The following OSBPL1A variants were observed in gnomAD, a reference collection of about 807,000 sequenced individuals.
The protein encoded by OSBPL1A is oxysterol binding protein like 1A, also known as oxysterol-binding protein-related protein 1.
In OSBPL1A, 80 loss-of-function variants were observed where a neutral mutation model predicts 137.1. The ratio of observed to expected loss-of-function variants is 0.58; its 90% CI spans 0.49 to 0.70. The LOEUF is 0.70. OSBPL1A is among the 30% of genes least tolerant of loss of function. The pLI is 0.00. For missense variants in OSBPL1A, 970 were observed against 1,129.4 expected, an observed-to-expected ratio of 0.86 and a Z score of 2.02; for synonymous variants, 365 against 389.7, an observed-to-expected ratio of 0.94 and a Z score of 0.75.
chr18:24,174,631 T>C (rs955296554), intron 21 of OSBPL1A, among the ~76,000 whole-genome samples: 5 of 152,232 alleles, frequency 3.3e-5, no homozygotes, highest in Non-Finnish European at 5.9e-5. Flanking sequence ...GCACTTGGTA[T>C]TGTCAATGTT....
At chr18:24,263,114 G>A (rs2089481313) in intron 15 of OSBPL1A, among the ~76,000 whole-genome samples, 1 of 152,058 alleles carries the variant, frequency 6.6e-6, no homozygotes. Flanking sequence ...TGCTTTTTTA[G>A]AATTTTGATA....
In OSBPL1A at chr18:24,332,094, G is replaced by A. The variant is rs569357444; in HGVS notation, c.625+848C>T. ...TTTGCTGTTTAAAATGGCCCCAAGC[G>A]GCCAGGCATGGTGGCTTACATCTGT... On this transcript the variant is annotated intron_variant, in intron 7 of 27. Coordinates refer to ENST00000319481, the MANE Select transcript of OSBPL1A (RefSeq NM_080597.4). Among the ~76,000 whole-genome samples, 8 of 152,000 alleles carry A rather than the reference G, an allele frequency of 5.3e-5. 1 individual carries two copies. The highest frequency in any genetic ancestry group is 1.0e-4 in the Non-Finnish European group (7 of 67,990).
chr18:24,323,414 C>CA (rs1315910299), intron 7 of OSBPL1A, among the ~76,000 whole-genome samples: 50 of 30,478 alleles, frequency 1.6e-3, no homozygotes, highest in African/African-American at 2.9e-3. Context: ...TTAGCAGAGA[C>CA]GGGGTTTCAC....
intron 1 of OSBPL1A, among the ~76,000 whole-genome samples, chr18:24,379,495 G>A (rs1282045270): frequency 6.6e-6 from 1 of 151,154 alleles, no homozygotes; most frequent in Non-Finnish European, 1.5e-5. Flanking sequence ...ACTCCAGCCT[G>A]GGTGACAGAG....
At chr18:24,282,378 T>C (rs1481382711) in intron 14 of OSBPL1A, among the ~76,000 whole-genome samples, 1 of 152,180 alleles carries the variant, frequency 6.6e-6, no homozygotes, top group Non-Finnish European at 1.5e-5. Flanking sequence ...TTAACTCTAC[T>C]TCCTATTTGG....
chr18:24,311,997 T>C lies in OSBPL1A; in HGVS notation c.1079A>G (p.Lys360Arg). Residue 360 changes from lysine (K) to arginine (R), a missense_variant, in exon 13 of 28, where the codon AAG (lysine) becomes AGG (arginine). Physicochemically the swap from Lys to Arg is conservative, Grantham distance 26. Transcript: ENST00000319481. Reference sequence around the variant, plus strand: ...TTTCCTATTTACCTCTAATGATTTCTTCAGGTCTGCAGCAGAAACCGTATC... The same window carrying C: ...TTTCCTATTTACCTCTAATGATTTCCTCAGGTCTGCAGCAGAAACCGTATC... ...EEDTVSAADL[K>R]KSLEKAQSCQ... The C allele has an allele frequency of 6.2e-7, 1 of 1,614,086 alleles. No individual in the cohort carries two copies. The highest frequency in any genetic ancestry group is 8.5e-7 in the Non-Finnish European group (1 of 1,179,952).
At position 24,332,608 on chromosome 18, in the gene OSBPL1A, C is replaced by T. The variant is rs149401961; in HGVS notation, c.625+334G>A. Reference sequence around the variant, plus strand: ...AAAAAAGGTTTCATAATGATCAATTCATGAAAATGTTGTGACCCAAGGCTT... The same window carrying T: ...AAAAAAGGTTTCATAATGATCAATTTATGAAAATGTTGTGACCCAAGGCTT... On this transcript the variant is annotated intron_variant, in intron 7 of 27. Coordinates refer to ENST00000319481, the MANE Select transcript of OSBPL1A (RefSeq NM_080597.4). 4.3e-3 allele frequency among the ~76,000 whole-genome samples: 650 copies of T among 149,702 alleles called. 5 individuals are homozygous for T. Among genetic ancestry groups the T allele is most frequent in the Middle Eastern group, 0.017 (5 of 286 alleles).
rs200475106 is a variant in OSBPL1A at position 24,339,329 on chromosome 18, T to C, written c.394+2218A>G. Among the ~76,000 whole-genome samples, 15 of 152,344 alleles carry C rather than the reference T, an allele frequency of 9.8e-5. No homozygotes were observed. In the East Asian group the frequency reaches 2.5e-3, roughly 25 times the overall value. On this transcript the variant is annotated intron_variant, in intron 5 of 27. Coordinates refer to ENST00000319481, the MANE Select transcript of OSBPL1A (RefSeq NM_080597.4). ...TTATGGTCTACTTATAGTGGGTTAC[T>C]CAAGGTACTTCCAGTAATTTGCCAA... is the stretch of plus-strand genomic sequence containing the variant.
intron 1 of OSBPL1A, among the ~76,000 whole-genome samples, chr18:24,382,174 G>A (rs1454692252): frequency 2.0e-5 from 3 of 148,200 alleles, no homozygotes; most frequent in Non-Finnish European, 4.5e-5. Context: ...GCCAAGGCAA[G>A]TGGATCACGA....
rs754545323 is a variant in OSBPL1A at position 24,179,864 on chromosome 18, A to G, written c.1813-29T>C. ...TGGGACAGAGCATGAGAACAAGTCA[A>G]AAATAGCCGAGCTCGCTCCGCATTC... On this transcript the variant is annotated intron_variant, in intron 19 of 27. Coordinates refer to ENST00000319481, the MANE Select transcript of OSBPL1A (RefSeq NM_080597.4). The G allele has an allele frequency of 8.2e-5, 129 of 1,573,540 alleles. 1 individual carries two copies. The highest frequency in any genetic ancestry group is 1.7e-4 in the Middle Eastern group (1 of 6,006).
intron 7 of OSBPL1A, among the ~76,000 whole-genome samples, chr18:24,324,455 T>TAAAAAAAAAAAAA (rs145135815): frequency 7.7e-5 from 1 of 12,976 alleles, no homozygotes; most frequent in Non-Finnish European, 1.4e-4. Context: ...CTGAAAAAGT[T>TAAAAAAAAAAAAA]AAAAAAAAAA....
intron 1 of OSBPL1A, 23 bp from the exon 2 acceptor site, chr18:24,377,558 T>C: frequency 1.9e-6 from 3 of 1,565,276 alleles, no homozygotes; most frequent in Non-Finnish European, 2.6e-6. Context: ...AATAATAACA[T>C]TGCTATTATT....
chr18:24,218,833 T>C (rs1215949133), intron 17 of OSBPL1A, among the ~76,000 whole-genome samples: 2 of 152,126 alleles, frequency 1.3e-5, no homozygotes, highest in Non-Finnish European at 2.9e-5. Flanking sequence ...CCATAAAAAA[T>C]AAGCATGTGA....
intron 21 of OSBPL1A, among the ~76,000 whole-genome samples, chr18:24,174,651 T>C (rs1277710118): frequency 6.6e-6 from 1 of 152,228 alleles, no homozygotes; most frequent in East Asian, 1.9e-4. Context: ...TTACAATTAT[T>C]TTGATTTTAG....
intron 25 of OSBPL1A, 69 bp downstream of exon 25, chr18:24,167,260 C>A (rs748626000): frequency 2.9e-5 from 42 of 1,430,550 alleles, no homozygotes; most frequent in Non-Finnish European, 4.0e-5. Flanking sequence ...CGACCCTACA[C>A]GTGCCAGGAA....
At chr18:24,192,391 G>A (rs2086910062) in intron 18 of OSBPL1A, among the ~76,000 whole-genome samples, 1 of 152,194 alleles carries the variant, frequency 6.6e-6, no homozygotes, top group South Asian at 2.1e-4. Context: ...GGCTTCAAAT[G>A]ACTAAGCAGT....
Position 24,349,780 on chromosome 18 carries a change from T to G in OSBPL1A, c.283-8122A>C, listed in dbSNP as rs2091407383. Among the ~76,000 whole-genome samples, 3 of 150,818 alleles carry G rather than the reference T, an allele frequency of 2.0e-5. No homozygotes were observed. In the South Asian group the frequency reaches 6.3e-4, roughly 32 times the overall value. ...ACTCTGCCAACAACCTGCGTGTACTTGCAAAAAGCCCCCAACCACAGATGA... is the reference window on the plus strand; with the variant it reads ...ACTCTGCCAACAACCTGCGTGTACTGGCAAAAAGCCCCCAACCACAGATGA... On this transcript the variant is annotated intron_variant, in intron 4 of 27. Transcript: ENST00000319481.
At chr18:24,384,985 T>C (rs189089338) in intron 1 of OSBPL1A, among the ~76,000 whole-genome samples, 25 of 151,272 alleles carry the variant, frequency 1.7e-4, no homozygotes, top group African/African-American at 4.6e-4. Context: ...GATGGAGTCT[T>C]GCTCTGTTGG....
At chr18:24,182,372 C>T (rs1041934901) in intron 18 of OSBPL1A, among the ~76,000 whole-genome samples, 2 of 152,120 alleles carry the variant, frequency 1.3e-5, no homozygotes, top group Non-Finnish European at 1.5e-5. Flanking sequence ...TGGTATTTAC[C>T]GGAATATTCT....
Sources: allele counts gnomAD v4.1 joint callset (sites outside exome capture counted in the v4.1 genomes callset), GRCh38; gene constraint gnomAD v4.1.1; transcripts MANE v1.5; gene names NCBI Gene and HGNC (gene_info 2026-07-23, HGNC 2026-07-21).